AKAP1: variants seen among roughly 807,000 people sequenced by gnomAD.
AKAP1 encodes the protein A-kinase anchoring protein 1.
In AKAP1, 32 loss-of-function variants were observed where a neutral mutation model predicts 79.8. That is an observed-to-expected ratio of 0.40 (90% CI 0.30 to 0.54). The LOEUF (loss-of-function observed/expected upper bound fraction) is 0.54. Ranked by LOEUF, AKAP1 falls within the 20% of genes least tolerant of loss-of-function variation. AKAP1 has a pLI of 0.47. For missense variants in AKAP1, 961 were observed against 1,138.9 expected (o/e 0.84, Z 2.25); for synonymous variants, 416 against 466.7 (o/e 0.89, Z 1.40).
intron 2 of AKAP1, among the ~76,000 whole-genome samples, chr17:57,108,921 C>G (rs1915066990): frequency 6.6e-6 from 1 of 152,238 alleles, no homozygotes; most frequent in Non-Finnish European, 1.5e-5. Flanking sequence ...CCCTGTCAGC[C>G]TGTTATGCTT....
chr17:57,105,334 G>A, intron 1 of AKAP1, 107 bp from the exon 2 acceptor site: 1 of 1,081,436 alleles, frequency 9.2e-7, no homozygotes, highest in Non-Finnish European at 1.4e-6. Flanking sequence ...GAAGGCGGAG[G>A]AGATGGCTCC....
chr17:57,110,219 C>T, intron 3 of AKAP1, 61 bp downstream of exon 3: 3 of 1,590,300 alleles, frequency 1.9e-6, no homozygotes, highest in Non-Finnish European at 2.6e-6. Context: ...GGGGCCAGGG[C>T]CATTAGACCT....
chr17:57,112,696 T>C, intron 5 of AKAP1, 78 bp downstream of exon 5: 1 of 1,527,080 alleles, frequency 6.5e-7, no homozygotes. Flanking sequence ...TCCCCAGACC[T>C]CAGGCTAAGA....
In AKAP1 at chr17:57,110,086, C is replaced by T; in HGVS notation, c.1776C>T (p.Ser592=). ...GTTGCAGTCTCAAGAAGACTGAGAGCTTCCAAAATGCCCAGGCAGGCTCCA... is the reference window on the plus strand; with the variant it reads ...GTTGCAGTCTCAAGAAGACTGAGAGTTTCCAAAATGCCCAGGCAGGCTCCA... ...DSCCSLKKTE[S]FQNAQAGSNP... is the part of the protein sequence containing the mutation. Residue 592 remains serine (S), a synonymous_variant, in exon 3 of 11, where the codon AGC becomes AGT. Transcript: ENST00000337714. The T allele has an allele frequency of 6.2e-7, 1 of 1,614,194 alleles. No homozygotes were observed. Among genetic ancestry groups the T allele is most frequent in the Non-Finnish European group, 8.5e-7 (1 of 1,180,026 alleles).
chr17:57,105,548 T>TA lies in AKAP1; in HGVS notation c.90dup (p.Gly31ArgfsTer7). 1.2e-6 allele frequency: 2 copies of TA among 1,613,884 alleles called. No individual in the cohort carries two copies. Among genetic ancestry groups the TA allele is most frequent in the East Asian group, 2.2e-5 (1 of 44,876 alleles). ...TCGGCTGGTGGTGGTTTTTCTCTCG[T>TA]AAAAAAGGCCATGTCAGCAGCCATG... On this transcript the variant is annotated frameshift_variant, in exon 2 of 11. Coordinates refer to ENST00000337714, the MANE Select transcript of AKAP1 (RefSeq NM_003488.4). LOFTEE classifies it high-confidence loss of function.
At chr17:57,099,384 T>C (rs1914340948) in intron 1 of AKAP1, among the ~76,000 whole-genome samples, 1 of 152,178 alleles carries the variant, frequency 6.6e-6, no homozygotes, top group Non-Finnish European at 1.5e-5. Context: ...ACTCACTGCA[T>C]AGAAGCAGTG....
At chr17:57,116,526 C>T (rs1429740187) in intron 7 of AKAP1, among the ~76,000 whole-genome samples, 2 of 152,198 alleles carry the variant, frequency 1.3e-5, no homozygotes, top group African/African-American at 4.8e-5. Flanking sequence ...CTGCAAATCC[C>T]AGCGCTTTGG....
chr17:57,113,802 C>T lies in AKAP1; in HGVS notation c.2104-657C>T, dbSNP rs571908115. On this transcript the variant is annotated intron_variant, in intron 5 of 10. Transcript: ENST00000337714. ...GTTTTTAGTAGAGATGGGATTTCAC[C>T]ATGTTTGCCAGGCTGGTCTTGAACT... Among the ~76,000 whole-genome samples, 12 of 152,014 alleles carry T rather than the reference C, an allele frequency of 7.9e-5. No homozygotes were observed. In the South Asian group the frequency reaches 2.5e-3, roughly 32 times the overall value.
chr17:57,095,645 C>T (rs529800543), intron 1 of AKAP1: 9 of 152,036 alleles, frequency 5.9e-5, no homozygotes, highest in African/African-American at 2.2e-4. Context: ...CTGGGGTGGT[C>T]GTAGTTCACT....
At position 57,106,680 on chromosome 17, in the gene AKAP1, G is replaced by A. The variant is rs773431872; in HGVS notation, c.1216G>A (p.Ala406Thr). ...CTTGGGCCCAGACACTGCGGAGCCTGCCACAGCAGAGGCAGCTGTTGCCCC... is the reference window on the plus strand; with the variant it reads ...CTTGGGCCCAGACACTGCGGAGCCTACCACAGCAGAGGCAGCTGTTGCCCC... ...TVLGPDTAEPATAEAAVAPPD... is the reference protein window; with the variant it reads ...TVLGPDTAEPTTAEAAVAPPD... The change falls in exon 2 of 11, where the codon GCC becomes ACC. Residue 406 changes from alanine to threonine, a missense_variant. Physicochemically the swap from Ala to Thr is moderately conservative, Grantham distance 58. Around this residue, in one of 3 missense-constraint regions of AKAP1, gnomAD observed 629 missense variants for 781.1 expected, o/e 0.81. Coordinates refer to ENST00000337714, the MANE Select transcript of AKAP1 (RefSeq NM_003488.4). 1.9e-6 allele frequency: 3 copies of A among 1,614,080 alleles called. No homozygotes were observed. In the East Asian group the frequency reaches 6.7e-5, roughly 36 times the overall value.
chr17:57,091,227 C>T (rs937591699), intron 1 of AKAP1, among the ~76,000 whole-genome samples: 6 of 152,208 alleles, frequency 3.9e-5, no homozygotes, highest in African/African-American at 4.8e-5. Flanking sequence ...GAGAAAAGGC[C>T]GTGCTGCAAA....
At chr17:57,110,712 A>C (rs888870134) in intron 3 of AKAP1, among the ~76,000 whole-genome samples, 32 of 152,198 alleles carry the variant, frequency 2.1e-4, no homozygotes, top group African/African-American at 7.5e-4. Context: ...ATGTCGCTTT[A>C]ATTAATACTT....
At chr17:57,101,992 CA>C (rs1207939344) in intron 1 of AKAP1, among the ~76,000 whole-genome samples, 4 of 152,138 alleles carry the variant, frequency 2.6e-5, no homozygotes, top group African/African-American at 4.8e-5. Flanking sequence ...ATCGGTATGT[CA>C]GTGGATTCCA....
Position 57,110,171 on chromosome 17 carries a change from T to A in AKAP1, c.1848+13T>A, listed in dbSNP as rs2270275. Reference sequence around the variant, plus strand: ...CGAGGTGCCAAAGGTAGGGGCGGAGTCCCCCAGGCTGGTTCTGTGGTAAGC... The same window carrying A: ...CGAGGTGCCAAAGGTAGGGGCGGAGACCCCCAGGCTGGTTCTGTGGTAAGC... On this transcript the variant is annotated intron_variant, in intron 3 of 10. Coordinates refer to ENST00000337714, the MANE Select transcript of AKAP1 (RefSeq NM_003488.4). The A allele has an allele frequency of 0.011, 17,940 of 1,612,080 alleles. 244 individuals are homozygous for A. Among genetic ancestry groups the A allele is most frequent in the East Asian group, 0.065 (2,917 of 44,832 alleles).
intron 9 of AKAP1, among the ~76,000 whole-genome samples, chr17:57,118,678 C>T (rs974380663): frequency 1.3e-5 from 2 of 152,160 alleles, no homozygotes; most frequent in Non-Finnish European, 2.9e-5. Flanking sequence ...ACTCACAATT[C>T]TGCGGGCCTG....
At chr17:57,087,994 G>C (rs1036451543) in intron 1 of AKAP1, among the ~76,000 whole-genome samples, 14 of 152,282 alleles carry the variant, frequency 9.2e-5, no homozygotes, top group African/African-American at 3.1e-4. Context: ...GTTGTTTCAG[G>C]TATGAGTTAA....
Position 57,106,876 on chromosome 17 carries a change from G to T in AKAP1, c.1412G>T (p.Ser471Ile). The T allele has an allele frequency of 1.9e-6, 3 of 1,613,914 alleles. No individual in the cohort carries two copies. The highest frequency in any genetic ancestry group is 1.1e-5 in the South Asian group (1 of 91,084). Residue 471 changes from serine to isoleucine, a missense_variant, in exon 2 of 11, where the codon AGT (serine) becomes ATT (isoleucine). By Grantham distance (142) the Ser-to-Ile change is moderately radical. Coordinates refer to ENST00000337714, the MANE Select transcript of AKAP1 (RefSeq NM_003488.4). The stretch of plus-strand genomic sequence containing the variant: ...TCCTGCCTGGCACTGACCACCCCCA[G>T]TGAAGAGTTGCCGGACCGGGCAGGC... ...LASCLALTTP[S>I]EELPDRAGIL... is the part of the protein sequence containing the mutation.
chr17:57,097,123 C>A (rs763617432), intron 1 of AKAP1, among the ~76,000 whole-genome samples: 19 of 152,148 alleles, frequency 1.2e-4, no homozygotes, highest in Non-Finnish European at 2.8e-4. Context: ...AGGATTTCTT[C>A]CTGTTTTACT....
intron 4 of AKAP1, 38 bp from the exon 5 acceptor site, chr17:57,112,453 T>TA (rs1201762926): frequency 1.9e-6 from 3 of 1,602,516 alleles, no homozygotes; most frequent in African/African-American, 2.7e-5. Flanking sequence ...AGTTTCCTCT[T>TA]ACAGTGATTG....
Sources: allele counts gnomAD v4.1 joint callset (sites outside exome capture counted in the v4.1 genomes callset), GRCh38; gene constraint gnomAD v4.1.1; regional missense constraint gnomAD v4.1.1; transcripts MANE v1.5; gene names NCBI Gene and HGNC (gene_info 2026-07-23, HGNC 2026-07-21).